CASP8: variants seen among roughly 807,000 people sequenced by gnomAD.
CASP8 encodes the protein caspase 8.
CASP8 carries 24 observed loss-of-function variants against 46.3 expected under a neutral mutation model. That is an observed-to-expected ratio of 0.52 (90% CI 0.38 to 0.73). CASP8 has a LOEUF of 0.73. Ranked by LOEUF, CASP8 falls within the 30% of genes least tolerant of loss-of-function variation. The pLI is 0.00. For synonymous variants in CASP8, 188 were observed against 200.4 expected (o/e 0.94, Z 0.52); for missense variants, 460 against 559.0 (o/e 0.82, Z 1.79).
chr2:201,267,919 TTTTTG>T (rs575674799), intron 2 of CASP8, among the ~76,000 whole-genome samples: 1 of 152,166 alleles, frequency 6.6e-6, no homozygotes, highest in Non-Finnish European at 1.5e-5. Context: ...GCTTGACTAT[TTTTTG>T]TTTTGTTTTG....
intron 2 of CASP8, chr2:201,240,339 C>T (rs1487388844): frequency 6.6e-6 from 1 of 152,096 alleles, no homozygotes; most frequent in Non-Finnish European, 1.5e-5. Flanking sequence ...TGGAACGAGG[C>T]ATTCCATGCA....
At chr2:201,267,951 G>T (rs1025294763) in intron 2 of CASP8, among the ~76,000 whole-genome samples, 1 of 152,110 alleles carries the variant, frequency 6.6e-6, no homozygotes, top group African/African-American at 2.4e-5. Context: ...TTTTGAGACG[G>T]AGTCTCGCTT....
At chr2:201,241,579 A>T (rs1287272182) in intron 2 of CASP8, 1 of 152,240 alleles carries the variant, frequency 6.6e-6, no homozygotes. Flanking sequence ...CAAACGAAGA[A>T]GTCCAGGACC....
intron 2 of CASP8, among the ~76,000 whole-genome samples, chr2:201,270,813 G>A (rs1308241179): frequency 6.6e-6 from 1 of 152,220 alleles, no homozygotes; most frequent in African/African-American, 2.4e-5. Context: ...GGAATTAGAG[G>A]CATGAACCAC....
upstream of CASP8, among the ~76,000 whole-genome samples, chr2:201,258,948 T>G (rs943708681): frequency 1.3e-5 from 2 of 151,788 alleles, no homozygotes; most frequent in Non-Finnish European, 2.9e-5. Flanking sequence ...CAAAATGTAT[T>G]TTTCTTTTGT....
At position 201,286,655 on chromosome 2, in the gene CASP8, G is replaced by A. The variant is rs1026363686; in HGVS notation, c.*61G>A. The A allele has an allele frequency of 8.2e-6, 12 of 1,459,670 alleles. No homozygotes were observed. In the Admixed American group the frequency reaches 9.1e-5, roughly 11 times the overall value. 90.4% of individuals were successfully genotyped at this position (1,459,670 alleles called of 1,614,324 possible). On this transcript the variant is annotated 3_prime_UTR_variant, in exon 9 of 9. Transcript: ENST00000673742. Reference sequence around the variant, plus strand: ...TTTTGAGACAGAATCTCGCTCTGTCGCCCAGGCTGGAGTGCAGTGGCGTGA... The same window carrying A: ...TTTTGAGACAGAATCTCGCTCTGTCACCCAGGCTGGAGTGCAGTGGCGTGA...
Position 201,269,617 on chromosome 2 carries a change from CTT to C in CASP8, c.306-1898_306-1897del. The C allele has an allele frequency of 6.3e-7, 1 of 1,590,234 alleles. No homozygotes were observed. The highest frequency in any genetic ancestry group is 8.6e-7 in the Non-Finnish European group (1 of 1,160,256). ...CATCTATTAATAAGGCAGGATCTCT[CTT>C]AAAATCTTTAATGTATTGGCTTAGA... On this transcript the variant is annotated intron_variant, in intron 2 of 8. Coordinates refer to ENST00000673742, the MANE Select transcript of CASP8 (RefSeq NM_001372051.1).
At chr2:201,239,738 G>A (rs971924948) in intron 2 of CASP8, among the ~76,000 whole-genome samples, 2 of 152,070 alleles carry the variant, frequency 1.3e-5, no homozygotes, top group African/African-American at 2.4e-5. Context: ...CTGTTGAGGC[G>A]TCACGGGTGG....
At chr2:201,244,672 A>G (rs1250256294) in intron 2 of CASP8, among the ~76,000 whole-genome samples, 2 of 152,236 alleles carry the variant, frequency 1.3e-5, no homozygotes, top group East Asian at 3.8e-4. Context: ...CCTCAAGTTG[A>G]TAGTGATTAT....
chr2:201,272,887 T>G lies in CASP8; in HGVS notation c.551-11T>G, dbSNP rs1357263975. 4.3e-6 allele frequency: 7 copies of G among 1,613,966 alleles called. No individual in the cohort carries two copies. In the South Asian group the frequency reaches 6.6e-5, roughly 15 times the overall value. The stretch of plus-strand genomic sequence containing the variant: ...ATCAAATATTGTTTGGGGTTTCCCC[T>G]TTTAATTCAGAGAGAAGCAGCAGCC... On this transcript the variant is annotated splice_polypyrimidine_tract_variant and intron_variant, in intron 4 of 8. Coordinates refer to ENST00000673742, the MANE Select transcript of CASP8 (RefSeq NM_001372051.1). This position sits in a 1 kb window ranked among gnomAD's most constrained non-coding sequence, Gnocchi z 4.4.
rs764440338 is a variant in CASP8, at chr2:201,272,717, G to A, written c.491G>A (p.Cys164Tyr). The A allele has an allele frequency of 1.2e-6, 2 of 1,614,184 alleles. No individual in the cohort carries two copies. The highest frequency in any genetic ancestry group is 1.3e-5 in the African/African-American group (1 of 75,056). ...AAGTTGGACATCCTGAAAAGAGTCT[G>A]TGCCCAAATCAACAAGAGCCTGCTG... ...EGKLDILKRV[C>Y]AQINKSLLKI... The change falls in exon 4 of 9, where the codon TGT (cysteine) becomes TAT (tyrosine). Residue 164 changes from cysteine to tyrosine, a missense_variant. Cys to Tyr is a radical substitution (Grantham distance 194). Coordinates refer to ENST00000673742, the MANE Select transcript of CASP8 (RefSeq NM_001372051.1). The surrounding 1 kb of genome is among the most constrained non-coding windows in gnomAD (Gnocchi z 4.4).
In CASP8 at chr2:201,266,846, C is replaced by T; in HGVS notation, c.305+55C>T. On this transcript the variant is annotated intron_variant, in intron 2 of 8. Transcript: ENST00000673742. This position sits in a 1 kb window ranked among gnomAD's most constrained non-coding sequence, Gnocchi z 5.7. ...GAGGTGTGGGTTGAATGGACAGCCT[C>T]TGAGCTGATTGGGGCTTTTTTTTGT... 1 of 1,409,992 alleles carries T rather than the reference C, an allele frequency of 7.1e-7. No homozygotes were observed. The highest frequency in any genetic ancestry group is 2.3e-5 in the East Asian group (1 of 43,532). 87.3% of individuals were successfully genotyped at this position (1,409,992 alleles called of 1,614,324 possible). A position where few individuals can be genotyped will look rare whatever the true frequency, so the allele number is the denominator to read the frequency against.
intron 2 of CASP8, among the ~76,000 whole-genome samples, chr2:201,236,730 G>A (rs1946062835): frequency 1.3e-5 from 2 of 151,946 alleles, no homozygotes. Context: ...CTCCCCATCT[G>A]CGAGTAGCTG....
At chr2:201,261,464 G>A (rs965895521) in intron 1 of CASP8, among the ~76,000 whole-genome samples, 1 of 151,720 alleles carries the variant, frequency 6.6e-6, no homozygotes, top group African/African-American at 2.4e-5. Flanking sequence ...AGACTAGATA[G>A]ACACAATCAG....
At chr2:201,239,027 T>G (rs1946179284) in intron 2 of CASP8, among the ~76,000 whole-genome samples, 1 of 152,210 alleles carries the variant, frequency 6.6e-6, no homozygotes, top group East Asian at 1.9e-4. Flanking sequence ...GCACCGCCCT[T>G]AATCCATTCA....
At chr2:201,240,560 A>C (rs1946255962) in intron 2 of CASP8, 1 of 152,272 alleles carries the variant, frequency 6.6e-6, no homozygotes, top group Non-Finnish European at 1.5e-5. Flanking sequence ...AGGGAGAAAT[A>C]GCCAGCCATA....
At chr2:201,262,879 G>C (rs1229883616) in intron 1 of CASP8, among the ~76,000 whole-genome samples, 1 of 152,180 alleles carries the variant, frequency 6.6e-6, no homozygotes, top group Non-Finnish European at 1.5e-5. Context: ...TATGACTAGA[G>C]GGATGTGTAA....
intron 2 of CASP8, chr2:201,241,585 G>A (rs1317953624): frequency 6.6e-6 from 1 of 152,186 alleles, no homozygotes; most frequent in African/African-American, 2.4e-5. Context: ...AAGAAGTCCA[G>A]GACCAGATGG....
In CASP8 at chr2:201,284,920, G is replaced by T. The variant is rs1371377386; in HGVS notation, c.907G>T (p.Asp303Tyr). The change falls in exon 8 of 9, where the codon GAC becomes TAC. Residue 303 changes from aspartate to tyrosine, a missense_variant. Asp to Tyr is a radical substitution (Grantham distance 160, BLOSUM62 -3). Coordinates refer to ENST00000673742, the MANE Select transcript of CASP8 (RefSeq NM_001372051.1). Reference sequence around the variant, plus strand: ...GATTTTGAAAATCTACCAACTCATGGACCACAGTAACATGGACTGCTTCAT... The same window carrying T: ...GATTTTGAAAATCTACCAACTCATGTACCACAGTAACATGGACTGCTTCAT... ...YEILKIYQLM[D>Y]HSNMDCFICC... 6.2e-7 allele frequency: 1 copy of T among 1,614,064 alleles called. No individual in the cohort carries two copies. The highest frequency in any genetic ancestry group is 1.3e-5 in the African/African-American group (1 of 74,972).
Sources: allele counts gnomAD v4.1 joint callset (sites outside exome capture counted in the v4.1 genomes callset), GRCh38; gene constraint gnomAD v4.1.1; non-coding constraint Gnocchi (gnomAD v3.1); transcripts MANE v1.5; gene names NCBI Gene and HGNC (gene_info 2026-07-23, HGNC 2026-07-21).